Variants in SOS2 observed in about 807,000 individuals in gnomAD.
SOS2 encodes the protein son of sevenless homolog 2.
A neutral mutation model predicts 148.2 loss-of-function variants in SOS2; 65 were observed. The ratio of observed to expected loss-of-function variants is 0.44; its 90% CI spans 0.36 to 0.54. The LOEUF (loss-of-function observed/expected upper bound fraction) is 0.54, where lower values mean the gene tolerates loss of function less well. Among genes scored for constraint, SOS2 ranks in the 20% least tolerant of loss-of-function variants. The pLI is 0.00. For synonymous variants in SOS2, 539 were observed against 537.1 expected, an observed-to-expected ratio of 1.00 and a Z score of -0.05; for missense variants, 1,341 against 1,590.2, an observed-to-expected ratio of 0.84 and a Z score of 2.67.
rs1884052298 is a variant in SOS2 at position 50,135,641 on chromosome 14, GCTTT to G, written c.2959-1406_2959-1403del. On this transcript the variant is annotated intron_variant, in intron 18 of 22. Transcript: ENST00000216373. ...CAATTAACTTTTTTCAATGTGGTTT[GCTTT>G]TTTTTTTTTTTTTTTTTTTGAGATG... 5.8e-5 allele frequency among the ~76,000 whole-genome samples: 4 copies of G among 68,468 alleles called. No homozygotes were observed. The South Asian group carries it at 1.5e-3, about 26-fold the overall frequency. The allele number at this position is 68,468 out of a possible 152,430, so 44.9% of individuals were successfully genotyped here. A position where few individuals can be genotyped will look rare whatever the true frequency, so the allele number is the denominator to read the frequency against.
chr14:50,224,897 A>AAAAAAG (rs1477987016), intron 1 of SOS2, among the ~76,000 whole-genome samples: 1 of 150,774 alleles, frequency 6.6e-6, no homozygotes, highest in African/African-American at 2.4e-5. Flanking sequence ...AAAAAAAAAA[A>AAAAAAG]AGAGAGAGAG....
chr14:50,225,002 A>G (rs1887325050), intron 1 of SOS2, among the ~76,000 whole-genome samples: 1 of 152,150 alleles, frequency 6.6e-6, no homozygotes, highest in Non-Finnish European at 1.5e-5. Flanking sequence ...TAGTCCTTAT[A>G]TCTAGATCTT....
Position 50,145,327 on chromosome 14 carries a change from A to G in SOS2, c.2510T>C (p.Ile837Thr), listed in dbSNP as rs1202694189. ...TNLTLWFEKC[I>T]VEAENFEERV... ...TTCTTCAAAATTTTCTGCTTCCACA[A>G]TGCATCTAACAACAACAAAAATTCA... is the stretch of plus-strand genomic sequence containing the variant. Residue 837 changes from isoleucine to threonine, a missense_variant, in exon 16 of 23, where the codon ATT (isoleucine) becomes ACT (threonine). This residue lies in a region of SOS2 where 408 missense variants were observed against 506.6 expected (regional missense o/e 0.81). Transcript: ENST00000216373. The G allele has an allele frequency of 5.6e-6, 9 of 1,601,756 alleles. No individual in the cohort carries two copies. Among genetic ancestry groups the G allele is most frequent in the African/African-American group, 2.7e-5 (2 of 74,138 alleles).
chr14:50,209,956 C>T (rs1172610085), intron 1 of SOS2, among the ~76,000 whole-genome samples: 3 of 152,140 alleles, frequency 2.0e-5, no homozygotes, highest in East Asian at 1.9e-4. Flanking sequence ...AAAATTGATA[C>T]ATGCAGTTAT....
At position 50,158,615 on chromosome 14, in the gene SOS2, T is replaced by G. The variant is rs781172817; in HGVS notation, c.1884A>C (p.Thr628=). The change falls in exon 11 of 23, where the codon ACA becomes ACC. Residue 628 remains threonine, a synonymous_variant. Transcript: ENST00000216373. ...DPNFVRTFLT[T]YRSFCKPQEL... is the part of the protein sequence containing the mutation. ...CCTGTGGTTTACAAAATGAACGATATGTGGTAAGAAAAGTACGAACAAAAT... is the reference window on the plus strand; with the variant it reads ...CCTGTGGTTTACAAAATGAACGATAGGTGGTAAGAAAAGTACGAACAAAAT... 5 of 1,610,006 alleles carry G rather than the reference T, an allele frequency of 3.1e-6. No individual in the cohort carries two copies. Among genetic ancestry groups the G allele is most frequent in the Non-Finnish European group, 4.2e-6 (5 of 1,177,802 alleles).
At chr14:50,137,031 C>A (rs549350102) in intron 18 of SOS2, among the ~76,000 whole-genome samples, 1 of 152,106 alleles carries the variant, frequency 6.6e-6, no homozygotes, top group African/African-American at 2.4e-5. Context: ...CTCAATATGC[C>A]CAATTTGCAT....
intron 1 of SOS2, among the ~76,000 whole-genome samples, chr14:50,224,151 C>T (rs968080712): frequency 4.0e-5 from 6 of 151,362 alleles, no homozygotes; most frequent in African/African-American, 1.5e-4. Context: ...ATTAACCAGA[C>T]GTGGTGGTGC....
At chr14:50,150,316 C>A in intron 13 of SOS2, 86 bp from the exon 14 acceptor site, 3 of 942,648 alleles carry the variant, frequency 3.2e-6, no homozygotes, top group East Asian at 2.4e-5. Flanking sequence ...TTTCACCCAG[C>A]CTCAACAGTT....
In SOS2 at chr14:50,157,152, G is replaced by T. The variant is rs73283422; in HGVS notation, c.1935-31C>A. On this transcript the variant is annotated intron_variant, in intron 11 of 22. Transcript: ENST00000216373. Reference sequence around the variant, plus strand: ...AAGAAAAGCAAAAGGAGAAAAATCCGTTCATACATAATGAAAATACAAGGA... The same window carrying T: ...AAGAAAAGCAAAAGGAGAAAAATCCTTTCATACATAATGAAAATACAAGGA... 31 of 1,595,212 alleles carry T rather than the reference G, an allele frequency of 1.9e-5. No homozygotes were observed. The highest frequency in any genetic ancestry group is 2.4e-5 in the Non-Finnish European group (28 of 1,172,216).
chr14:50,200,980 A>T lies in SOS2; in HGVS notation c.318T>A (p.Pro106=). The T allele has an allele frequency of 6.2e-7, 1 of 1,614,060 alleles. No individual in the cohort carries two copies. The highest frequency in any genetic ancestry group is 8.5e-7 in the Non-Finnish European group (1 of 1,179,962). ...KRKRRNPLLL[P]VDKIHPSLKE... ...TCAACGAAGGATGGATTTTGTCCAC[A>T]GGCAGTAAAAGAGGATTTCTTCGTT... Residue 106 remains proline (P), a synonymous_variant, in exon 3 of 23, where the codon CCT becomes CCA. Coordinates refer to ENST00000216373, the MANE Select transcript of SOS2 (RefSeq NM_006939.4).
intron 4 of SOS2, among the ~76,000 whole-genome samples, chr14:50,196,403 T>A (rs1025169391): frequency 6.6e-6 from 1 of 152,200 alleles, no homozygotes; most frequent in African/African-American, 2.4e-5. Flanking sequence ...CAAGCATTTA[T>A]CCTTTTTTTG....
chr14:50,127,356 G>A (rs1883716222), intron 21 of SOS2, among the ~76,000 whole-genome samples: 1 of 152,056 alleles, frequency 6.6e-6, no homozygotes, highest in Non-Finnish European at 1.5e-5. Context: ...TGGTCAGTCT[G>A]GTCTCAAACT....
At chr14:50,163,842 T>C (rs75968221) in intron 8 of SOS2, among the ~76,000 whole-genome samples, 3,708 of 152,272 alleles carry the variant, frequency 0.024, 146 homozygotes, top group African/African-American at 0.083. Context: ...AGTGATATCC[T>C]ACCAAAAAGG....
At chr14:50,178,134 T>C (rs1361666545) in intron 7 of SOS2, among the ~76,000 whole-genome samples, 1 of 152,168 alleles carries the variant, frequency 6.6e-6, no homozygotes, top group East Asian at 1.9e-4. Flanking sequence ...TGGTTTGATT[T>C]TGTGTCCCCG....
At chr14:50,183,114 T>C (rs1016383283) in intron 5 of SOS2, among the ~76,000 whole-genome samples, 15 of 152,152 alleles carry the variant, frequency 9.9e-5, no homozygotes, top group African/African-American at 3.6e-4. Flanking sequence ...TAAAAGTTAT[T>C]ACATGTGAAT....
intron 7 of SOS2, among the ~76,000 whole-genome samples, chr14:50,178,985 C>T (rs977344101): frequency 2.0e-5 from 3 of 151,988 alleles, no homozygotes; most frequent in African/African-American, 7.2e-5. Flanking sequence ...TCCGATCCAC[C>T]CACCTCAGCC....
At chr14:50,169,787 C>G (rs1237325481) in intron 8 of SOS2, among the ~76,000 whole-genome samples, 2 of 151,730 alleles carry the variant, frequency 1.3e-5, no homozygotes, top group African/African-American at 4.8e-5. Flanking sequence ...ATATAGTTAA[C>G]TCATGGCAGA....
chr14:50,209,547 G>A (rs72681882), intron 1 of SOS2, among the ~76,000 whole-genome samples: 23,525 of 151,838 alleles, frequency 0.15, 2,386 homozygotes, highest in Admixed American at 0.32. Flanking sequence ...CGGGAGGATC[G>A]CTCGAGCCCA....
rs73285516 is a variant in SOS2, at chr14:50,172,545, G to C, written c.1068+1909C>G. ...CTAGCTAATTTTTGTATTTTTAGTA[G>C]AGACTAAAAACATGATTTTGCCATG... On this transcript the variant is annotated intron_variant, in intron 8 of 22. Coordinates refer to ENST00000216373, the MANE Select transcript of SOS2 (RefSeq NM_006939.4). Among the ~76,000 whole-genome samples, 198 of 150,952 alleles carry C rather than the reference G, an allele frequency of 1.3e-3. 1 individual carries two copies. The highest frequency in any genetic ancestry group is 4.7e-3 in the African/African-American group (193 of 41,026).
Sources: gnomAD v4.1 joint callset for allele counts (sites outside exome capture counted in the v4.1 genomes callset) on GRCh38, gnomAD v4.1.1 for gene constraint, gnomAD v4.1.1 regional missense constraint, MANE v1.5 for transcripts, NCBI Gene and HGNC (gene_info 2026-07-23, HGNC 2026-07-21) for gene names.